The following ARHGEF6 variants were observed in gnomAD, a reference collection of about 807,000 sequenced individuals.
ARHGEF6 encodes the protein rho guanine nucleotide exchange factor 6.
ARHGEF6 carries 9 observed loss-of-function variants against 70.3 expected under a neutral mutation model. The ratio of observed to expected loss-of-function variants is 0.13; its 90% CI spans 0.08 to 0.22. ARHGEF6 has a LOEUF of 0.22. Ranked by LOEUF, ARHGEF6 falls within the 10% of genes least tolerant of loss-of-function variation. The pLI, the probability that ARHGEF6 is intolerant of heterozygous loss-of-function variation, is 1.00. For synonymous variants in ARHGEF6, 201 were observed against 207.8 expected (o/e 0.97, Z 0.28); for missense variants, 470 against 563.0 (o/e 0.83, Z 1.67).
chrX:136,754,406 T>C (rs2077183081), intron 2 of ARHGEF6, among the ~76,000 whole-genome samples: 1 of 108,880 alleles, frequency 9.2e-6, no homozygotes, highest in African/African-American at 3.4e-5. Flanking sequence ...GCCAGCATAG[T>C]GAAACCCATC....
intron 2 of ARHGEF6, among the ~76,000 whole-genome samples, chrX:136,769,111 T>C (rs1353221892): frequency 9.1e-6 from 1 of 110,159 alleles, no homozygotes; most frequent in African/African-American, 3.3e-5. Context: ...AAAATATCTT[T>C]AAAAAAAAAT....
intron 18 of ARHGEF6, among the ~76,000 whole-genome samples, chrX:136,675,884 C>T (rs1234475153): frequency 9.2e-6 from 1 of 109,235 alleles, no homozygotes; most frequent in Admixed American, 9.7e-5. Flanking sequence ...TTCTCCTCTA[C>T]TCCAAACTCA....
intron 5 of ARHGEF6, among the ~76,000 whole-genome samples, chrX:136,740,342 C>T (rs976219004): frequency 3.6e-5 from 4 of 111,235 alleles, no homozygotes; most frequent in African/African-American, 1.3e-4. Flanking sequence ...ACTCTGGGTA[C>T]TGAGTTTAGA....
At chrX:136,676,740 A>T (rs1323419659) in intron 17 of ARHGEF6, 23 bp from the exon 18 acceptor site, 2 of 1,067,312 alleles carry the variant, frequency 1.9e-6, no homozygotes, top group South Asian at 3.7e-5. Context: ...AGGTTTCTTA[A>T]TGAATTAAAA....
chrX:136,672,566 C>G (rs1294305757), intron 19 of ARHGEF6, among the ~76,000 whole-genome samples: 1 of 111,996 alleles, frequency 8.9e-6, no homozygotes, highest in Non-Finnish European at 1.9e-5. Context: ...ACACAATGTG[C>G]TTAAAGGGCC....
intron 12 of ARHGEF6, among the ~76,000 whole-genome samples, chrX:136,684,086 A>G (rs1386497620): frequency 8.9e-6 from 1 of 112,190 alleles, no homozygotes; most frequent in Non-Finnish European, 1.9e-5. Context: ...GCTCTTGGAA[A>G]GTCATCAGTA....
At chrX:136,772,900 C>G (rs1020778930) in intron 2 of ARHGEF6, among the ~76,000 whole-genome samples, 2 of 111,814 alleles carry the variant, frequency 1.8e-5, no homozygotes, top group African/African-American at 6.5e-5. Flanking sequence ...AATTGTGTTA[C>G]AAAGGACACT....
intron 5 of ARHGEF6, among the ~76,000 whole-genome samples, chrX:136,742,653 T>A (rs1375128111): frequency 9.0e-6 from 1 of 111,200 alleles, no homozygotes; most frequent in Non-Finnish European, 1.9e-5. Flanking sequence ...AAAGGGCAAG[T>A]GAATTATCAA....
At position 136,668,045 on chromosome X, in the gene ARHGEF6, G is replaced by T; in HGVS notation, c.2315C>A (p.Thr772Asn). 1 of 1,211,906 alleles carries T rather than the reference G, an allele frequency of 8.3e-7. No individual in the cohort carries two copies. Among genetic ancestry groups the T allele is most frequent in the Non-Finnish European group, 1.1e-6 (1 of 895,536 alleles). The change falls in exon 22 of 22, where the codon ACC (threonine) becomes AAC (asparagine). Residue 772 changes from threonine to asparagine, a missense_variant. Transcript: ENST00000250617. ...ECIRGESSSK[T>N]SILP ...CAGTGATGGTTATGGAAGAATTGAG[G>T]TCTTGCTACTGGACTCGCCTCGAAT...
At chrX:136,730,828 G>A (rs2076928046) in intron 6 of ARHGEF6, among the ~76,000 whole-genome samples, 1 of 111,501 alleles carries the variant, frequency 9.0e-6, no homozygotes, top group Non-Finnish European at 1.9e-5. Flanking sequence ...GAGAATCACA[G>A]AGTATACTCT....
intron 11 of ARHGEF6, 92 bp downstream of exon 11, chrX:136,687,840 C>G (rs1307009212): frequency 1.3e-6 from 1 of 780,853 alleles, no homozygotes; most frequent in Admixed American, 2.2e-5. Flanking sequence ...TTCTAAAGAC[C>G]TTTGTATAGG....
At chrX:136,679,251 G>C (rs2076309424) in intron 16 of ARHGEF6, among the ~76,000 whole-genome samples, 1 of 111,976 alleles carries the variant, frequency 8.9e-6, no homozygotes, top group African/African-American at 3.2e-5. Flanking sequence ...CAAATCTAAA[G>C]GATTATCATA....
At chrX:136,713,232 T>C (rs1189898443) in intron 7 of ARHGEF6, 44 bp downstream of exon 7, 1 of 951,703 alleles carries the variant, frequency 1.1e-6, no homozygotes, top group African/African-American at 1.9e-5. Context: ...TATGTTGACA[T>C]TATGTTGCTT....
intron 2 of ARHGEF6, among the ~76,000 whole-genome samples, chrX:136,757,838 T>G (rs953011822): frequency 9.0e-6 from 1 of 111,258 alleles, no homozygotes; most frequent in African/African-American, 3.3e-5. Flanking sequence ...TTACAGACAT[T>G]GGACAAGTTC....
chrX:136,763,400 G>T (rs1433350910), intron 2 of ARHGEF6, among the ~76,000 whole-genome samples: 1 of 112,224 alleles, frequency 8.9e-6, no homozygotes, highest in Admixed American at 9.5e-5. Context: ...AATTCTTAGT[G>T]CAAAGATGGG....
chrX:136,673,195 A>C (rs2076242877), intron 19 of ARHGEF6, among the ~76,000 whole-genome samples: 1 of 112,578 alleles, frequency 8.9e-6, no homozygotes, highest in Admixed American at 9.4e-5. Context: ...GGAGGTGATA[A>C]GCAAATGCTC....
chrX:136,775,823 A>G (rs922617103), intron 2 of ARHGEF6, among the ~76,000 whole-genome samples: 1 of 111,935 alleles, frequency 8.9e-6, no homozygotes, highest in Non-Finnish European at 1.9e-5. Flanking sequence ...AAAAGCTCCT[A>G]GATCTGAAAA....
chrX:136,738,360 G>C (rs2077008693), intron 5 of ARHGEF6, among the ~76,000 whole-genome samples: 1 of 111,414 alleles, frequency 9.0e-6, no homozygotes, highest in Non-Finnish European at 1.9e-5. Context: ...GACACACACA[G>C]AGACATGCAC....
At chrX:136,747,639 C>A in intron 2 of ARHGEF6, 47 bp from the exon 3 acceptor site, 1 of 649,251 alleles carries the variant, frequency 1.5e-6, no homozygotes, top group Non-Finnish European at 2.3e-6. Context: ...AAGTATTCAA[C>A]TCAACAAACA....
Sources: gnomAD v4.1 joint callset for allele counts (sites outside exome capture counted in the v4.1 genomes callset) on GRCh38, gnomAD v4.1.1 for gene constraint, MANE v1.5 for transcripts, NCBI Gene and HGNC (gene_info 2026-07-23, HGNC 2026-07-21) for gene names.